PDSS2: variants seen among roughly 807,000 people sequenced by gnomAD.
The protein encoded by PDSS2 is all trans-polyprenyl-diphosphate synthase PDSS2.
Under a neutral mutation model 44.5 loss-of-function variants are expected in PDSS2, and 31 were observed. The observed-to-expected ratio is 0.70, with a 90% CI of 0.52 to 0.94. The LOEUF is 0.94. Ranked by LOEUF, PDSS2 falls within the 40% of genes least tolerant of loss-of-function variation. The pLI is 0.00. For synonymous variants in PDSS2, 157 were observed against 180.3 expected, an observed-to-expected ratio of 0.87 and a Z score of 1.03; for missense variants, 452 against 482.2, an observed-to-expected ratio of 0.94 and a Z score of 0.59.
At chr6:107,159,419 CTTT>C (rs143684110) in intron 7 of PDSS2, among the ~76,000 whole-genome samples, 3 of 124,160 alleles carry the variant, frequency 2.4e-5, no homozygotes, top group Non-Finnish European at 3.2e-5. Context: ...TCTTTCTTTT[CTTT>C]TTTTTTTTTT....
intron 1 of PDSS2, among the ~76,000 whole-genome samples, chr6:107,428,536 G>C (rs955562946): frequency 1.3e-5 from 2 of 152,100 alleles, no homozygotes; most frequent in Admixed American, 1.3e-4. Context: ...AAACATAAAA[G>C]AGAAAATCAG....
intron 4 of PDSS2, among the ~76,000 whole-genome samples, chr6:107,219,535 C>T (rs1020147932): frequency 6.6e-6 from 1 of 152,192 alleles, no homozygotes; most frequent in African/African-American, 2.4e-5. Context: ...GATCCACCCG[C>T]CTTGGCCTCC....
At chr6:107,207,142 G>A (rs908437492) in intron 6 of PDSS2, among the ~76,000 whole-genome samples, 4 of 151,174 alleles carry the variant, frequency 2.6e-5, no homozygotes, top group Non-Finnish European at 4.4e-5. Context: ...ACAGGCGCCC[G>A]CCACTGTGCC....
At chr6:107,176,982 CA>C (rs981861853) in intron 7 of PDSS2, among the ~76,000 whole-genome samples, 5 of 142,876 alleles carry the variant, frequency 3.5e-5, no homozygotes, top group African/African-American at 1.0e-4. Context: ...GACCCTGTCT[CA>C]AAAAAAAACC....
intron 1 of PDSS2, among the ~76,000 whole-genome samples, chr6:107,426,160 C>T (rs1780996477): frequency 1.3e-5 from 2 of 152,212 alleles, no homozygotes; most frequent in South Asian, 4.1e-4. Flanking sequence ...TGGACCAGGC[C>T]CAGGGTCCCT....
At chr6:107,374,607 T>C (rs545421472) in intron 1 of PDSS2, among the ~76,000 whole-genome samples, 1 of 152,342 alleles carries the variant, frequency 6.6e-6, no homozygotes, top group African/African-American at 2.4e-5. Flanking sequence ...AACAGTGTTT[T>C]CAGTGCCATG....
At chr6:107,167,884 T>A (rs1457630192) in intron 7 of PDSS2, among the ~76,000 whole-genome samples, 2 of 152,096 alleles carry the variant, frequency 1.3e-5, no homozygotes, top group East Asian at 1.9e-4. Context: ...TGCTGAGGAG[T>A]GCTTTACTTC....
chr6:107,343,710 G>A (rs532544056), intron 1 of PDSS2, among the ~76,000 whole-genome samples: 1 of 152,272 alleles, frequency 6.6e-6, no homozygotes, highest in South Asian at 2.1e-4. Flanking sequence ...ACATATAAAT[G>A]AGGCCAAGGA....
At chr6:107,297,384 ATTTT>A (rs752620723) in intron 2 of PDSS2, among the ~76,000 whole-genome samples, 4 of 144,290 alleles carry the variant, frequency 2.8e-5, no homozygotes, top group Non-Finnish European at 4.6e-5. Context: ...GTGGGAGTGA[ATTTT>A]TTTTTTTTTT....
intron 7 of PDSS2, among the ~76,000 whole-genome samples, chr6:107,161,990 T>A (rs1039031243): frequency 2.0e-5 from 3 of 152,174 alleles, no homozygotes; most frequent in Admixed American, 6.6e-5. Context: ...GTATAAATAC[T>A]CCCATTATGG....
chr6:107,371,189 A>G (rs1779119560), intron 1 of PDSS2, among the ~76,000 whole-genome samples: 1 of 149,782 alleles, frequency 6.7e-6, no homozygotes. Context: ...TCAAAGTAAA[A>G]AAAAAAAAAA....
intron 3 of PDSS2, among the ~76,000 whole-genome samples, chr6:107,262,915 G>A (rs1775290129): frequency 6.6e-6 from 1 of 151,998 alleles, no homozygotes; most frequent in Non-Finnish European, 1.5e-5. Context: ...GCAAGGTAGT[G>A]AGACCTTGTC....
chr6:107,166,924 T>G (rs146477887), intron 7 of PDSS2, among the ~76,000 whole-genome samples: 3,413 of 152,300 alleles, frequency 0.022, 128 homozygotes, highest in African/African-American at 0.076. Flanking sequence ...TCAGGGATAT[T>G]GGTCTAAAAT....
At chr6:107,225,169 T>A (rs1352151449) in intron 4 of PDSS2, among the ~76,000 whole-genome samples, 14,202 of 44,588 alleles carry the variant, frequency 0.32, 1,879 homozygotes, top group South Asian at 0.46. Flanking sequence ...ATATTTTTTT[T>A]TTTTTTTTTT....
intron 2 of PDSS2, among the ~76,000 whole-genome samples, chr6:107,286,681 A>C (rs10457163): frequency 0.028 from 4,237 of 152,246 alleles, 90 homozygotes; most frequent in East Asian, 0.057. Flanking sequence ...AAAAGGTACA[A>C]AGAGGTAATT....
chr6:107,328,514 G>A (rs1463133780), intron 2 of PDSS2, among the ~76,000 whole-genome samples: 1 of 152,084 alleles, frequency 6.6e-6, no homozygotes, highest in Non-Finnish European at 1.5e-5. Context: ...GACCTCAAAT[G>A]ATCCACCCAC....
At position 107,444,411 on chromosome 6, in the gene PDSS2, T is replaced by C. The variant is rs75888091; in HGVS notation, c.296+14579A>G. Among the ~76,000 whole-genome samples, 1,201 of 152,254 alleles carry C rather than the reference T, an allele frequency of 7.9e-3. 48 individuals are homozygous for C. The East Asian group carries it at 0.12, about 15-fold the overall frequency. ...GTTAGATAAATTGCCTAAGAGCTCA[T>C]AGCTTGACAGTGGTAGAGGCAGGAT... is the stretch of plus-strand genomic sequence containing the variant. On this transcript the variant is annotated intron_variant, in intron 1 of 7. Coordinates refer to ENST00000369037, the MANE Select transcript of PDSS2 (RefSeq NM_020381.4).
intron 1 of PDSS2, among the ~76,000 whole-genome samples, chr6:107,439,927 G>A (rs1375145544): frequency 6.6e-6 from 1 of 152,130 alleles, no homozygotes; most frequent in African/African-American, 2.4e-5. Context: ...ACCAAGAAGA[G>A]AGTACTAATA....
In PDSS2 at chr6:107,321,908, C is replaced by G. The variant is rs991198095; in HGVS notation, c.431+12290G>C. ...TCTAAAACCTACTGTCTTTTCTGCT[C>G]TTTCATTGCATTACCACTTCCACCC... On this transcript the variant is annotated intron_variant, in intron 2 of 7. Coordinates refer to ENST00000369037, the MANE Select transcript of PDSS2 (RefSeq NM_020381.4). Among the ~76,000 whole-genome samples the G allele has an allele frequency of 5.1e-4, 78 of 152,300 alleles. 1 individual carries two copies. The highest frequency in any genetic ancestry group is 3.7e-3 in the Admixed American group (57 of 15,294).
Sources: allele counts gnomAD v4.1 joint callset (sites outside exome capture counted in the v4.1 genomes callset), GRCh38; gene constraint gnomAD v4.1.1; transcripts MANE v1.5; gene names NCBI Gene and HGNC (gene_info 2026-07-23, HGNC 2026-07-21).